Variants in CACNA2D1 observed in about 807,000 individuals in gnomAD.
CACNA2D1 encodes calcium voltage-gated channel auxiliary subunit alpha2delta 1.
In CACNA2D1, 53 loss-of-function variants were observed where a neutral mutation model predicts 171.5. The observed-to-expected ratio is 0.31, with a 90% CI of 0.25 to 0.39. The LOEUF (loss-of-function observed/expected upper bound fraction) is 0.39. Among genes scored for constraint, CACNA2D1 ranks in the 10% least tolerant of loss-of-function variants. The pLI is 1.00. For synonymous variants in CACNA2D1, 442 were observed against 443.1 expected (o/e 1.00, Z 0.03); for missense variants, 903 against 1,299.8 (o/e 0.69, Z 4.69).
In CACNA2D1 at chr7:82,013,498, T is replaced by C; in HGVS notation, c.1235A>G (p.Glu412Gly). 1 of 1,075,360 alleles carries C rather than the reference T, an allele frequency of 9.3e-7. No individual in the cohort carries two copies. The highest frequency in any genetic ancestry group is 1.3e-6 in the Non-Finnish European group (1 of 769,886). The allele number at this position is 1,075,360 out of a possible 1,614,324, so 66.6% of individuals were successfully genotyped here. A position where few individuals can be genotyped will look rare whatever the true frequency, so the allele number is the denominator to read the frequency against. ...MACENKGYYY[E>G]IPSIGAIRIN... ...TCTTATTGCACCAATGGAAGGAATT[T>C]CATAATAATAACCTGAAATATACAT... The change falls in exon 14 of 39, where the codon GAA (glutamate) becomes GGA (glycine). Residue 412 changes from glutamate to glycine, a missense_variant. Glu to Gly is a moderately conservative substitution (Grantham distance 98). Coordinates refer to ENST00000356860, the MANE Select transcript of CACNA2D1 (RefSeq NM_000722.4).
At chr7:82,419,139 T>C (rs557913420) in intron 1 of CACNA2D1, among the ~76,000 whole-genome samples, 3 of 151,118 alleles carry the variant, frequency 2.0e-5, no homozygotes, top group African/African-American at 7.3e-5. Flanking sequence ...AAACATTACA[T>C]GCCTAAAAGT....
chr7:82,377,720 G>C (rs565876594), intron 1 of CACNA2D1, among the ~76,000 whole-genome samples: 1 of 152,098 alleles, frequency 6.6e-6, no homozygotes, highest in Non-Finnish European at 1.5e-5. Flanking sequence ...ATAAGGCCTC[G>C]ACTGAAACGT....
intron 3 of CACNA2D1, among the ~76,000 whole-genome samples, chr7:82,209,479 C>T (rs773875001): frequency 6.6e-6 from 1 of 152,136 alleles, no homozygotes; most frequent in Admixed American, 6.6e-5. Context: ...GATAGGTGAA[C>T]CGAAGCCCCC....
chr7:82,138,040 G>A (rs1791879185), intron 4 of CACNA2D1, among the ~76,000 whole-genome samples: 1 of 152,078 alleles, frequency 6.6e-6, no homozygotes, highest in Non-Finnish European at 1.5e-5. Context: ...ATGATCATAT[G>A]ACTTTAGAAT....
intron 1 of CACNA2D1, among the ~76,000 whole-genome samples, chr7:82,411,228 G>A (rs1287562905): frequency 1.3e-5 from 2 of 152,134 alleles, no homozygotes; most frequent in African/African-American, 4.8e-5. Context: ...GCAGCTCTGC[G>A]TGAGAGGGGA....
chr7:82,242,040 G>T (rs540465235), intron 3 of CACNA2D1, among the ~76,000 whole-genome samples: 38 of 152,062 alleles, frequency 2.5e-4, no homozygotes, highest in African/African-American at 8.4e-4. Flanking sequence ...TGTTTCACTC[G>T]CATAAGAAGG....
intron 1 of CACNA2D1, among the ~76,000 whole-genome samples, chr7:82,415,179 T>C (rs1828044332): frequency 6.6e-6 from 1 of 152,064 alleles, no homozygotes; most frequent in Non-Finnish European, 1.5e-5. Context: ...CAGATACAAA[T>C]CTCTTTGTCC....
At chr7:82,055,934 A>G (rs1470540076) in intron 10 of CACNA2D1, among the ~76,000 whole-genome samples, 1 of 138,744 alleles carries the variant, frequency 7.2e-6, no homozygotes, top group African/African-American at 2.7e-5. Context: ...GTGTGTGTAT[A>G]TATATATATA....
At chr7:82,007,268 G>A (rs1477610092) in intron 16 of CACNA2D1, among the ~76,000 whole-genome samples, 1 of 152,080 alleles carries the variant, frequency 6.6e-6, no homozygotes, top group Non-Finnish European at 1.5e-5. Flanking sequence ...TTGGGAGTTG[G>A]GGAGGAATGA....
chr7:82,056,364 GGA>G (rs1178612959), intron 10 of CACNA2D1, among the ~76,000 whole-genome samples: 1 of 152,146 alleles, frequency 6.6e-6, no homozygotes, highest in Non-Finnish European at 1.5e-5. Context: ...ATGGACCTAT[GGA>G]GGTAGGCATG....
chr7:81,948,825 C>G lies in CACNA2D1; in HGVS notation c.*1567G>C, dbSNP rs551858400. The G allele has an allele frequency of 3.9e-5, 6 of 152,014 alleles. No homozygotes were observed. Among genetic ancestry groups the G allele is most frequent in the African/African-American group, 1.2e-4 (5 of 41,534 alleles). 9.4% of individuals were successfully genotyped at this position (152,014 alleles called of 1,614,324 possible). A position where few individuals can be genotyped will look rare whatever the true frequency, so the allele number is the denominator to read the frequency against. On this transcript the variant is annotated 3_prime_UTR_variant, in exon 39 of 39. Transcript: ENST00000356860. Reference sequence around the variant, plus strand: ...ATAGTTTTTACCTTTTCTTCAAATACTGTTTGCTCCAGAAAATAATTTTTA... The same window carrying G: ...ATAGTTTTTACCTTTTCTTCAAATAGTGTTTGCTCCAGAAAATAATTTTTA...
chr7:82,295,354 T>TTTG (rs1812130739), intron 3 of CACNA2D1, among the ~76,000 whole-genome samples: 1 of 144,588 alleles, frequency 6.9e-6, no homozygotes, highest in African/African-American at 2.5e-5. Flanking sequence ...TTTTTTTTTT[T>TTTG]GAGACAGGGT....
chr7:81,970,872 A>AG, intron 26 of CACNA2D1, 135 bp from the exon 27 acceptor site: 6 of 665,588 alleles, frequency 9.0e-6, no homozygotes. Flanking sequence ...CTATGTTTTA[A>AG]TAATTTAAAT....
chr7:82,303,884 A>G (rs1173509952), intron 3 of CACNA2D1, among the ~76,000 whole-genome samples: 1 of 152,170 alleles, frequency 6.6e-6, no homozygotes, highest in Non-Finnish European at 1.5e-5. Flanking sequence ...ATTAAACAAA[A>G]GCTTCTGCAC....
At chr7:82,418,900 C>T (rs1186596841) in intron 1 of CACNA2D1, among the ~76,000 whole-genome samples, 2 of 151,912 alleles carry the variant, frequency 1.3e-5, no homozygotes, top group Non-Finnish European at 2.9e-5. Flanking sequence ...AGGCGGATCA[C>T]GAGGTCAGGA....
intron 1 of CACNA2D1, among the ~76,000 whole-genome samples, chr7:82,372,687 G>A (rs899376605): frequency 6.6e-6 from 1 of 152,026 alleles, no homozygotes; most frequent in African/African-American, 2.4e-5. Flanking sequence ...AGGGTTTGCA[G>A]AGAAAAATCT....
intron 3 of CACNA2D1, among the ~76,000 whole-genome samples, chr7:82,266,389 T>C (rs527446979): frequency 1.3e-5 from 2 of 152,314 alleles, no homozygotes; most frequent in South Asian, 2.1e-4. Flanking sequence ...GAAAATTTCA[T>C]GAAAATGGTT....
At chr7:82,253,999 T>C (rs773606701) in intron 3 of CACNA2D1, among the ~76,000 whole-genome samples, 5 of 152,176 alleles carry the variant, frequency 3.3e-5, no homozygotes, top group Non-Finnish European at 7.4e-5. Context: ...TAAAAGTTGA[T>C]GCTACCAATA....
chr7:82,196,643 G>A (rs1200690949), intron 3 of CACNA2D1, among the ~76,000 whole-genome samples: 6 of 152,052 alleles, frequency 3.9e-5, no homozygotes, highest in Admixed American at 3.3e-4. Flanking sequence ...GTTGATGGAG[G>A]GGAGCAAAGT....
Sources: gnomAD v4.1 joint callset for allele counts (sites outside exome capture counted in the v4.1 genomes callset) on GRCh38, gnomAD v4.1.1 for gene constraint, MANE v1.5 for transcripts, NCBI Gene and HGNC (gene_info 2026-07-23, HGNC 2026-07-21) for gene names.